KDM4C: variants seen among roughly 807,000 people sequenced by gnomAD.
KDM4C encodes the protein lysine demethylase 4C.
Under a neutral mutation model 129.3 loss-of-function variants are expected in KDM4C, and 81 were observed. The ratio of observed to expected loss-of-function variants is 0.63; its 90% CI spans 0.52 to 0.75. The LOEUF is 0.75. Ranked by LOEUF, KDM4C falls within the 30% of genes least tolerant of loss-of-function variation. KDM4C has a pLI of 0.00. For synonymous variants in KDM4C, 573 were observed against 456.1 expected (o/e 1.26, Z -3.26); for missense variants, 1,457 against 1,304.0 (o/e 1.12, Z -1.81).
intron 20 of KDM4C, among the ~76,000 whole-genome samples, chr9:7,165,595 A>T (rs775853549): frequency 6.6e-6 from 1 of 152,238 alleles, no homozygotes; most frequent in Non-Finnish European, 1.5e-5. Context: ...TGTAAGGAAT[A>T]TGGTTCTGCC....
chr9:7,167,241 A>C (rs184231828), intron 20 of KDM4C, among the ~76,000 whole-genome samples: 2 of 152,146 alleles, frequency 1.3e-5, no homozygotes, highest in South Asian at 4.1e-4. Context: ...CTCTGCCCTA[A>C]CTAGGGTGGA....
At chr9:6,726,868 T>A (rs972092577) in intron 1 of KDM4C, 2 of 152,160 alleles carry the variant, frequency 1.3e-5, no homozygotes, top group African/African-American at 4.8e-5. Flanking sequence ...CCTGAGTAGC[T>A]GGGATTACAG....
intron 6 of KDM4C, among the ~76,000 whole-genome samples, chr9:6,886,322 C>G (rs1183593501): frequency 7.0e-6 from 1 of 142,202 alleles, no homozygotes. Flanking sequence ...TCCTTCCTAT[C>G]TTTTTTTTTT....
chr9:7,160,378 C>T (rs763172570), intron 19 of KDM4C, among the ~76,000 whole-genome samples: 7 of 152,162 alleles, frequency 4.6e-5, no homozygotes, highest in Non-Finnish European at 8.8e-5. Flanking sequence ...CCGTTGCTGG[C>T]GAGGAGCTGT....
chr9:6,903,336 A>G (rs971520324), intron 8 of KDM4C, among the ~76,000 whole-genome samples: 4 of 152,196 alleles, frequency 2.6e-5, no homozygotes, highest in Non-Finnish European at 5.9e-5. Context: ...ACAGTTTTCA[A>G]ACTTATATAA....
chr9:6,835,585 G>C, intron 4 of KDM4C: 1 of 952,796 alleles, frequency 1.0e-6, no homozygotes, highest in Non-Finnish European at 1.7e-6. Context: ...TAGGCGGACT[G>C]TGACTTAGTT....
intron 2 of KDM4C, among the ~76,000 whole-genome samples, chr9:6,794,049 C>T (rs781625264): frequency 6.6e-6 from 1 of 152,178 alleles, no homozygotes; most frequent in African/African-American, 2.4e-5. Context: ...CCTGCTATCA[C>T]CCCCAGCCCA....
In KDM4C at chr9:7,128,135, T is replaced by C; in HGVS notation, c.2680T>C (p.Tyr894His). The change falls in exon 19 of 22, where the codon TAT (tyrosine) becomes CAT (histidine). Residue 894 changes from tyrosine to histidine, a missense_variant. By Grantham distance (83) the Tyr-to-His change is moderately conservative. Transcript: ENST00000381309. ...TVITKHRNTR[Y>H]YSCRVMAVTS... ...CATCACGAAGCATCGGAACACCCGG[T>C]ATTACAGTTGCAGAGTGATGGCTGT... The C allele has an allele frequency of 6.2e-7, 1 of 1,613,280 alleles. No individual in the cohort carries two copies. The highest frequency in any genetic ancestry group is 1.3e-5 in the African/African-American group (1 of 74,960).
At chr9:7,031,513 T>G (rs1215826744) in intron 15 of KDM4C, among the ~76,000 whole-genome samples, 2 of 152,198 alleles carry the variant, frequency 1.3e-5, no homozygotes, top group African/African-American at 4.8e-5. Context: ...TATATCTTGA[T>G]GATCACTTGG....
At chr9:6,757,654 G>A (rs1818451464), upstream of KDM4C, 3 of 985,410 alleles carry the variant, frequency 3.0e-6, no homozygotes, top group South Asian at 9.4e-5. Context: ...ATAGGTGCGC[G>A]TCGGCGCCCA....
At chr9:6,858,412 A>G (rs1167106430) in intron 5 of KDM4C, among the ~76,000 whole-genome samples, 1 of 152,094 alleles carries the variant, frequency 6.6e-6, no homozygotes, top group African/African-American at 2.4e-5. Context: ...AAATTGTTAA[A>G]TCCATAACTC....
intron 12 of KDM4C, among the ~76,000 whole-genome samples, chr9:7,002,345 A>T (rs1820882343): frequency 6.6e-6 from 1 of 152,206 alleles, no homozygotes; most frequent in African/African-American, 2.4e-5. Context: ...TTATAATTGT[A>T]TAAATTTATG....
intron 17 of KDM4C, among the ~76,000 whole-genome samples, chr9:7,084,944 C>T (rs888368092): frequency 2.0e-5 from 3 of 152,178 alleles, no homozygotes; most frequent in African/African-American, 7.2e-5. Flanking sequence ...CATGAGAGTG[C>T]CCATCAGGGG....
chr9:6,896,175 C>A (rs774566388), intron 8 of KDM4C, among the ~76,000 whole-genome samples: 26 of 151,898 alleles, frequency 1.7e-4, no homozygotes, highest in Non-Finnish European at 2.9e-4. Context: ...TTGAGGATGC[C>A]CATATTTGTC....
chr9:6,793,690 A>G (rs1356020711), intron 2 of KDM4C, among the ~76,000 whole-genome samples: 1 of 151,596 alleles, frequency 6.6e-6, no homozygotes, highest in Non-Finnish European at 1.5e-5. Flanking sequence ...ACAGGCACCC[A>G]CCACCATGCC....
intron 13 of KDM4C, among the ~76,000 whole-genome samples, chr9:7,012,787 T>C (rs1283501925): frequency 6.6e-6 from 1 of 152,228 alleles, no homozygotes; most frequent in Non-Finnish European, 1.5e-5. Context: ...AGGTACAATA[T>C]ATTATGAAGT....
chr9:6,720,989 C>T, exon 1 of KDM4C: 2 of 1,551,498 alleles, frequency 1.3e-6, no homozygotes, highest in South Asian at 1.2e-5. Flanking sequence ...ACTGAAGAAG[C>T]AGCTGCAGGT....
chr9:6,837,358 A>G (rs915112898), intron 4 of KDM4C, among the ~76,000 whole-genome samples: 2 of 152,222 alleles, frequency 1.3e-5, no homozygotes, highest in African/African-American at 4.8e-5. Flanking sequence ...TGCCCAGCTT[A>G]TAATCATTAT....
intron 17 of KDM4C, among the ~76,000 whole-genome samples, chr9:7,066,558 A>G (rs907892853): frequency 5.3e-5 from 8 of 152,246 alleles, no homozygotes; most frequent in African/African-American, 1.9e-4. Flanking sequence ...TTATTTTAAG[A>G]TCATTTTAGA....
Sources: allele counts gnomAD v4.1 joint callset (sites outside exome capture counted in the v4.1 genomes callset), GRCh38; gene constraint gnomAD v4.1.1; transcripts MANE v1.5; gene names NCBI Gene and HGNC (gene_info 2026-07-23, HGNC 2026-07-21).